SHANK2: variants seen among roughly 807,000 people sequenced by gnomAD.
SHANK2 encodes SH3 and multiple ankyrin repeat domains 2, also known as SH3 and multiple ankyrin repeat domains protein 2.
Under a neutral mutation model 133.7 loss-of-function variants are expected in SHANK2, and 43 were observed. That is an observed-to-expected ratio of 0.32 (90% CI 0.25 to 0.41). The LOEUF is 0.41. Ranked by LOEUF, SHANK2 falls within the 10% of genes least tolerant of loss-of-function variation. The pLI is 1.00. For synonymous variants in SHANK2, 1,017 were observed against 952.8 expected (o/e 1.07, Z -1.24); for missense variants, 1,994 against 2,235.8 (o/e 0.89, Z 2.18).
intron 14 of SHANK2, among the ~76,000 whole-genome samples, chr11:70,734,437 G>C: frequency 6.6e-6 from 1 of 152,168 alleles, no homozygotes; most frequent in Non-Finnish European, 1.5e-5. Flanking sequence ...CAGTCCACAC[G>C]CTCCACACTG....
At chr11:70,801,621 A>G (rs782541177) in intron 13 of SHANK2, among the ~76,000 whole-genome samples, 4 of 152,180 alleles carry the variant, frequency 2.6e-5, no homozygotes, top group African/African-American at 4.8e-5. Flanking sequence ...CTGGGTAAGA[A>G]GAGGTGGAGG....
chr11:71,239,501 C>G (rs901984468), intron 1 of SHANK2, among the ~76,000 whole-genome samples: 4 of 152,166 alleles, frequency 2.6e-5, no homozygotes, highest in Non-Finnish European at 4.4e-5. Flanking sequence ...ACTATGCTGC[C>G]CAGGCTGGAG....
chr11:70,908,095 CA>C (rs561686109), intron 10 of SHANK2: 2,078 of 192,846 alleles, frequency 0.011, 61 homozygotes, highest in South Asian at 0.087. Flanking sequence ...GAGTCCATCT[CA>C]AAAAAAAAGA....
chr11:70,903,240 G>A (rs1950048333), intron 10 of SHANK2, among the ~76,000 whole-genome samples: 1 of 151,950 alleles, frequency 6.6e-6, no homozygotes, highest in South Asian at 2.1e-4. Flanking sequence ...AGCTGTGCGT[G>A]GTGGCTGGCA....
chr11:70,939,783 G>A (rs138516166), intron 10 of SHANK2, among the ~76,000 whole-genome samples: 1 of 152,142 alleles, frequency 6.6e-6, no homozygotes, highest in Non-Finnish European at 1.5e-5. Flanking sequence ...CGGCCTAGAA[G>A]AGATCAAGTC....
Position 71,252,307 on chromosome 11 carries a change from G to A in SHANK2, c.-113+118C>T, listed in dbSNP as rs1192738161. Reference sequence around the variant, plus strand: ...GGTCCAGGACTGCGCTTACCCGGTAGTTGGTGCTCCCGGAATCGAGATGCC... The same window carrying A: ...GGTCCAGGACTGCGCTTACCCGGTAATTGGTGCTCCCGGAATCGAGATGCC... On this transcript the variant is annotated intron_variant, in intron 1 of 25. Transcript: ENST00000601538. This position sits in a 1 kb window ranked among gnomAD's most constrained non-coding sequence, Gnocchi z 6.3. The A allele has an allele frequency of 3.9e-5, 6 of 152,280 alleles. No homozygotes were observed. Among genetic ancestry groups the A allele is most frequent in the African/African-American group, 1.2e-4 (5 of 41,456 alleles). 9.4% of individuals were successfully genotyped at this position (152,280 alleles called of 1,614,324 possible). A position where few individuals can be genotyped will look rare whatever the true frequency, so the allele number is the denominator to read the frequency against.
At chr11:70,639,531 T>G (rs529150521) in intron 17 of SHANK2, among the ~76,000 whole-genome samples, 3 of 152,238 alleles carry the variant, frequency 2.0e-5, no homozygotes. Flanking sequence ...ACCATCACAC[T>G]GTGGATGAGG....
intron 2 of SHANK2, among the ~76,000 whole-genome samples, chr11:71,164,137 A>C (rs1209078544): frequency 6.6e-6 from 1 of 152,186 alleles, no homozygotes; most frequent in Non-Finnish European, 1.5e-5. Context: ...ACTTGGGTCC[A>C]TCTGGAGAGT....
intron 17 of SHANK2, among the ~76,000 whole-genome samples, chr11:70,584,448 C>A (rs1324911130): frequency 6.6e-6 from 1 of 152,126 alleles, no homozygotes; most frequent in East Asian, 1.9e-4. Flanking sequence ...CAAATGCTAA[C>A]CAACTAAAAC....
At chr11:70,478,080 CAGAG>C (rs1174595511) in intron 25 of SHANK2, among the ~76,000 whole-genome samples, 4 of 152,016 alleles carry the variant, frequency 2.6e-5, no homozygotes, top group Non-Finnish European at 5.9e-5. Context: ...TTGAGACACT[CAGAG>C]AGGTGCTCTT....
chr11:70,501,203 C>G (rs2059045715), intron 20 of SHANK2, among the ~76,000 whole-genome samples: 1 of 152,224 alleles, frequency 6.6e-6, no homozygotes, highest in Non-Finnish European at 1.5e-5. Flanking sequence ...GGCCTCATGC[C>G]CATCCTCAGA....
chr11:70,803,022 G>A (rs1157733844), intron 13 of SHANK2, among the ~76,000 whole-genome samples: 1 of 152,124 alleles, frequency 6.6e-6, no homozygotes, highest in Admixed American at 6.5e-5. Flanking sequence ...GAGGGAGCGT[G>A]GCAGGTGGGG....
chr11:70,494,766 G>A (rs1470572609), intron 21 of SHANK2, among the ~76,000 whole-genome samples: 1 of 152,150 alleles, frequency 6.6e-6, no homozygotes, highest in African/African-American at 2.4e-5. Flanking sequence ...AAGTGTTCAC[G>A]CAAAGCAAGA....
chr11:70,767,644 C>T (rs1947150294), intron 14 of SHANK2, among the ~76,000 whole-genome samples: 1 of 151,542 alleles, frequency 6.6e-6, no homozygotes. Context: ...AGGAAATGCA[C>T]AGGAAAGGGA....
At chr11:70,710,010 G>T (rs374188622) in intron 14 of SHANK2, among the ~76,000 whole-genome samples, 7 of 152,286 alleles carry the variant, frequency 4.6e-5, no homozygotes, top group Middle Eastern at 3.4e-3. Flanking sequence ...TTCCCTGGCC[G>T]CTGGACTTGA....
At position 70,659,846 on chromosome 11, in the gene SHANK2, G is replaced by C. The variant is rs191827240; in HGVS notation, c.2043C>G (p.Thr681=). Residue 681 remains threonine (T), a synonymous_variant, in exon 17 of 26, where the codon ACC becomes ACG. Transcript: ENST00000601538. Reference sequence around the variant, plus strand: ...TCCCTACCTCAATCAAGAAGTCCCCGGTCCTTAGTCCGGCTTGCCACGCCA... The same window carrying C: ...TCCCTACCTCAATCAAGAAGTCCCCCGTCCTTAGTCCGGCTTGCCACGCCA... ...GGVAWQAGLR[T]GDFLIEVNNE... is the part of the protein sequence containing the mutation. 33 of 1,614,074 alleles carry C rather than the reference G, an allele frequency of 2.0e-5. No individual in the cohort carries two copies. In the East Asian group the frequency reaches 6.7e-4, roughly 33 times the overall value.
intron 10 of SHANK2, among the ~76,000 whole-genome samples, chr11:70,908,947 G>A (rs1049926277): frequency 2.0e-5 from 3 of 152,174 alleles, no homozygotes; most frequent in South Asian, 4.1e-4. Context: ...CCCTCTTAGG[G>A]TAGAAGAGAC....
At chr11:70,744,025 C>G (rs995551203) in intron 14 of SHANK2, among the ~76,000 whole-genome samples, 2 of 152,198 alleles carry the variant, frequency 1.3e-5, no homozygotes, top group African/African-American at 2.4e-5. Context: ...GCCTTCCCTC[C>G]GGATCTAACT....
chr11:70,576,263 G>A (rs1465529756), intron 17 of SHANK2, among the ~76,000 whole-genome samples: 5 of 152,122 alleles, frequency 3.3e-5, no homozygotes, highest in African/African-American at 4.8e-5. Context: ...GTGGTGCAGA[G>A]CCCTCCTGCG....
Sources: allele counts gnomAD v4.1 joint callset (sites outside exome capture counted in the v4.1 genomes callset), GRCh38; gene constraint gnomAD v4.1.1; non-coding constraint Gnocchi (gnomAD v3.1); transcripts MANE v1.5; gene names NCBI Gene and HGNC (gene_info 2026-07-23, HGNC 2026-07-21).